Variants in DOCK3 observed in about 807,000 individuals in gnomAD.
DOCK3 encodes the protein dedicator of cytokinesis protein 3.
DOCK3 carries 60 observed loss-of-function variants against 265.6 expected under a neutral mutation model. The observed-to-expected ratio is 0.23, with a 90% CI of 0.18 to 0.28. The LOEUF (loss-of-function observed/expected upper bound fraction) is 0.28. Among genes scored for constraint, DOCK3 ranks in the 10% least tolerant of loss-of-function variants. DOCK3 has a pLI of 1.00. For synonymous variants in DOCK3, 881 were observed against 938.0 expected (o/e 0.94, Z 1.11); for missense variants, 1,981 against 2,594.3 (o/e 0.76, Z 5.14).
intron 46 of DOCK3, 30 bp from the exon 47 acceptor site, chr3:51,360,481 C>G (rs568611583): frequency 1.7e-5 from 27 of 1,596,796 alleles, no homozygotes; most frequent in Non-Finnish European, 2.2e-5. Context: ...ATTCTTTACT[C>G]TCTATGAAGG....
At chr3:50,763,512 A>C (rs2040660434) in intron 1 of DOCK3, among the ~76,000 whole-genome samples, 1 of 152,046 alleles carries the variant, frequency 6.6e-6, no homozygotes, top group African/African-American at 2.4e-5. Context: ...CAAACTCCTG[A>C]CCTCAGGTGA....
intron 5 of DOCK3, among the ~76,000 whole-genome samples, chr3:51,042,871 G>C (rs1321769489): frequency 1.3e-5 from 2 of 152,130 alleles, no homozygotes; most frequent in East Asian, 3.9e-4. Flanking sequence ...AAACACCTAG[G>C]AGTACAGCTA....
chr3:51,129,950 C>T (rs1467560292), intron 9 of DOCK3, among the ~76,000 whole-genome samples: 1 of 152,236 alleles, frequency 6.6e-6, no homozygotes, highest in African/African-American at 2.4e-5. Context: ...CGGAGTAACA[C>T]ACCCAAATGA....
intron 3 of DOCK3, among the ~76,000 whole-genome samples, chr3:50,848,198 G>C (rs2046183579): frequency 6.6e-6 from 1 of 152,122 alleles, no homozygotes; most frequent in Non-Finnish European, 1.5e-5. Flanking sequence ...TGTCACATCT[G>C]AGATGGATCT....
At chr3:50,797,288 G>A (rs769566202) in intron 2 of DOCK3, among the ~76,000 whole-genome samples, 20 of 152,256 alleles carry the variant, frequency 1.3e-4, no homozygotes, top group Non-Finnish European at 2.4e-4. Flanking sequence ...GCGCAGGCCT[G>A]TGTGTTATGG....
chr3:50,725,585 T>G (rs148806358), intron 1 of DOCK3, among the ~76,000 whole-genome samples: 2 of 152,124 alleles, frequency 1.3e-5, no homozygotes, highest in Non-Finnish European at 2.9e-5. Flanking sequence ...GAATGCTTAA[T>G]GAAGAAAGAG....
chr3:50,891,650 T>TA (rs35490967), intron 4 of DOCK3, among the ~76,000 whole-genome samples: 37,425 of 151,920 alleles, frequency 0.25, 5,802 homozygotes, highest in East Asian at 0.39. Flanking sequence ...TGGCTTATTA[T>TA]AAATTCAGAA....
intron 22 of DOCK3, among the ~76,000 whole-genome samples, chr3:51,257,159 T>G (rs1328441191): frequency 1.3e-5 from 2 of 152,224 alleles, no homozygotes; most frequent in African/African-American, 4.8e-5. Context: ...TCTCACCACT[T>G]CACACTTGTT....
chr3:51,196,396 T>A (rs1000015758), intron 12 of DOCK3, among the ~76,000 whole-genome samples: 2 of 152,206 alleles, frequency 1.3e-5, no homozygotes, highest in Non-Finnish European at 2.9e-5. Context: ...CTTTTTGCAT[T>A]GTATTTTCCC....
chr3:51,047,410 A>G (rs2080820035), intron 5 of DOCK3, among the ~76,000 whole-genome samples: 1 of 151,848 alleles, frequency 6.6e-6, no homozygotes, highest in African/African-American at 2.4e-5. Flanking sequence ...TATAATAAAA[A>G]ATATATAAAT....
At chr3:50,723,292 T>G (rs1055851065) in intron 1 of DOCK3, among the ~76,000 whole-genome samples, 1 of 152,182 alleles carries the variant, frequency 6.6e-6, no homozygotes, top group Admixed American at 6.5e-5. Flanking sequence ...TTCTGAGATC[T>G]GTGGGACAAA....
intron 5 of DOCK3, among the ~76,000 whole-genome samples, chr3:51,002,569 C>T (rs2078527194): frequency 6.6e-6 from 1 of 152,302 alleles, no homozygotes; most frequent in East Asian, 1.9e-4. Flanking sequence ...AGTCTTATAA[C>T]TGTGATCCAG....
chr3:50,982,538 C>G (rs1026585721), intron 5 of DOCK3, among the ~76,000 whole-genome samples: 1 of 152,178 alleles, frequency 6.6e-6, no homozygotes, highest in African/African-American at 2.4e-5. Context: ...CCGACTGCAT[C>G]AGCCCTAGTC....
chr3:51,266,702 A>G (rs2080190933), intron 23 of DOCK3, among the ~76,000 whole-genome samples: 1 of 152,232 alleles, frequency 6.6e-6, no homozygotes, highest in South Asian at 2.1e-4. Context: ...ACTTAAACAT[A>G]AGACCTAAAA....
chr3:50,727,262 A>G (rs867276970), intron 1 of DOCK3, among the ~76,000 whole-genome samples: 2 of 152,262 alleles, frequency 1.3e-5, no homozygotes, highest in Non-Finnish European at 2.9e-5. Flanking sequence ...ATGAAGACAT[A>G]GAAAGGTTAT....
intron 1 of DOCK3, among the ~76,000 whole-genome samples, chr3:50,749,887 C>T (rs2039679863): frequency 6.6e-6 from 1 of 152,154 alleles, no homozygotes; most frequent in Non-Finnish European, 1.5e-5. Context: ...TCTTCCATTA[C>T]TGTTCTCAAA....
In DOCK3 at chr3:51,178,190, A is replaced by G. The variant is rs9831727; in HGVS notation, c.1037+17488A>G. On this transcript the variant is annotated intron_variant, in intron 12 of 52. Coordinates refer to ENST00000266037, the MANE Select transcript of DOCK3 (RefSeq NM_004947.5). ...ATGATAAAAATAAAGTATAAGGTGAAAGATATGAAATGGGTGTGTCATGTC... is the reference window on the plus strand; with the variant it reads ...ATGATAAAAATAAAGTATAAGGTGAGAGATATGAAATGGGTGTGTCATGTC... 2.8e-3 allele frequency among the ~76,000 whole-genome samples: 423 copies of G among 152,346 alleles called. 3 individuals are homozygous for G. Among genetic ancestry groups the G allele is most frequent in the African/African-American group, 9.8e-3 (406 of 41,580 alleles).
chr3:51,062,350 C>G (rs1327095212), intron 5 of DOCK3, among the ~76,000 whole-genome samples: 1 of 152,138 alleles, frequency 6.6e-6, no homozygotes, highest in Non-Finnish European at 1.5e-5. Context: ...CCTGTTTTTC[C>G]TGAACATGCC....
intron 22 of DOCK3, among the ~76,000 whole-genome samples, chr3:51,249,139 CGGGA>C (rs1328228185): frequency 8.8e-6 from 1 of 113,578 alleles, no homozygotes; most frequent in Admixed American, 8.2e-5. Flanking sequence ...CCGCCCCGTC[CGGGA>C]GGGAGGTGGG....
Sources: gnomAD v4.1 joint callset for allele counts (sites outside exome capture counted in the v4.1 genomes callset) on GRCh38, gnomAD v4.1.1 for gene constraint, MANE v1.5 for transcripts, NCBI Gene and HGNC (gene_info 2026-07-23, HGNC 2026-07-21) for gene names.